Variants in PLCL2 observed in about 807,000 individuals in gnomAD.
PLCL2 encodes the protein inactive phospholipase C-like protein 2.
Under a neutral mutation model 79.6 loss-of-function variants are expected in PLCL2, and 4 were observed. That is an observed-to-expected ratio of 0.05 (90% CI 0.02 to 0.11). The LOEUF (loss-of-function observed/expected upper bound fraction) is 0.11, where lower values mean the gene tolerates loss of function less well. Ranked by LOEUF, PLCL2 falls within the 10% of genes least tolerant of loss-of-function variation. The pLI is 1.00. For missense variants in PLCL2, 895 were observed against 1,291.0 expected (o/e 0.69, Z 4.70); for synonymous variants, 484 against 457.7 (o/e 1.06, Z -0.73).
intron 3 of PLCL2, 78 bp from the exon 4 acceptor site, chr3:17,042,796 G>A: frequency 1.0e-6 from 1 of 987,398 alleles, no homozygotes. Flanking sequence ...CCTGTTTTAG[G>A]AGAAGAGCCT....
chr3:16,965,748 G>A (rs1366843919), intron 1 of PLCL2, among the ~76,000 whole-genome samples: 1 of 152,076 alleles, frequency 6.6e-6, no homozygotes, highest in Non-Finnish European at 1.5e-5. Flanking sequence ...TCCCTTGTAA[G>A]CTGGATTCCT....
At chr3:17,045,634 A>G (rs2064772288) in intron 4 of PLCL2, among the ~76,000 whole-genome samples, 1 of 152,102 alleles carries the variant, frequency 6.6e-6, no homozygotes, top group Non-Finnish European at 1.5e-5. Context: ...TAAGAAGAGA[A>G]TGCAGTGACA....
intron 4 of PLCL2, among the ~76,000 whole-genome samples, chr3:17,060,444 C>G (rs1457721053): frequency 1.3e-5 from 2 of 151,946 alleles, no homozygotes; most frequent in Non-Finnish European, 2.9e-5. Flanking sequence ...GGATGAAGGC[C>G]AAGAAAAGGA....
chr3:16,993,840 C>A (rs2064127213), intron 1 of PLCL2, among the ~76,000 whole-genome samples: 1 of 152,164 alleles, frequency 6.6e-6, no homozygotes, highest in Admixed American at 6.5e-5. Flanking sequence ...TGTAGGATTG[C>A]CTGAGCTTCT....
intron 1 of PLCL2, among the ~76,000 whole-genome samples, chr3:16,889,378 C>T (rs928544258): frequency 6.6e-6 from 1 of 152,140 alleles, no homozygotes; most frequent in Non-Finnish European, 1.5e-5. Context: ...TTTGATTGCC[C>T]TCTTTAAATG....
At chr3:16,906,440 G>A (rs1046177122) in intron 1 of PLCL2, among the ~76,000 whole-genome samples, 14 of 152,124 alleles carry the variant, frequency 9.2e-5, no homozygotes, top group African/African-American at 3.4e-4. Flanking sequence ...ATTCGTTAAT[G>A]TGGAACTTAT....
chr3:16,998,008 C>G (rs2064171275), intron 1 of PLCL2, among the ~76,000 whole-genome samples: 1 of 152,098 alleles, frequency 6.6e-6, no homozygotes, highest in African/African-American at 2.4e-5. Flanking sequence ...ATTAAAATTT[C>G]TGACTTGAAG....
intron 4 of PLCL2, among the ~76,000 whole-genome samples, chr3:17,050,940 A>G (rs188902737): frequency 8.9e-4 from 136 of 152,350 alleles, no homozygotes; most frequent in African/African-American, 3.0e-3. Flanking sequence ...TGATACTTAT[A>G]CACAATGGAG....
At chr3:17,072,142 T>TA (rs1280483706) in intron 5 of PLCL2, among the ~76,000 whole-genome samples, 3 of 152,180 alleles carry the variant, frequency 2.0e-5, no homozygotes, top group Non-Finnish European at 4.4e-5. Context: ...AATTCTAATA[T>TA]AATTGTTCTT....
At position 17,090,239 on chromosome 3, in the gene PLCL2, A is replaced by G; in HGVS notation, c.*327A>G. The G allele has an allele frequency of 9.9e-7, 1 of 1,007,888 alleles. No homozygotes were observed. The highest frequency in any genetic ancestry group is 9.0e-5 in the East Asian group (1 of 11,070). 62.4% of individuals were successfully genotyped at this position (1,007,888 alleles called of 1,614,324 possible). A position where few individuals can be genotyped will look rare whatever the true frequency, so the allele number is the denominator to read the frequency against. ...TTTCCTAAGTGAAAACAATTTCTTA[A>G]GATGGAAATGGATTGGATTGTCAAA... On this transcript the variant is annotated 3_prime_UTR_variant, in exon 6 of 6. Transcript: ENST00000615277.
intron 1 of PLCL2, among the ~76,000 whole-genome samples, chr3:16,945,471 G>A (rs1251453588): frequency 1.3e-5 from 2 of 152,066 alleles, no homozygotes; most frequent in Admixed American, 1.3e-4. Flanking sequence ...TACATGTTCA[G>A]CACTCTATAA....
intron 1 of PLCL2, among the ~76,000 whole-genome samples, chr3:17,002,110 G>A (rs2064217748): frequency 6.6e-6 from 1 of 151,948 alleles, no homozygotes; most frequent in South Asian, 2.1e-4. Context: ...TATCATAAAT[G>A]TGATTGCTTT....
At chr3:16,938,974 A>G (rs114252509) in intron 1 of PLCL2, among the ~76,000 whole-genome samples, 1 of 152,324 alleles carries the variant, frequency 6.6e-6, no homozygotes, top group African/African-American at 2.4e-5. Flanking sequence ...CTTAACAGCT[A>G]GCTGTGTAGT....
chr3:16,932,909 C>T (rs1389210163), intron 1 of PLCL2, among the ~76,000 whole-genome samples: 1 of 152,086 alleles, frequency 6.6e-6, no homozygotes, highest in African/African-American at 2.4e-5. Flanking sequence ...TTTTTTCCTT[C>T]TTCTTCTTTT....
chr3:17,040,142 T>A (rs868579581), intron 3 of PLCL2, among the ~76,000 whole-genome samples: 13 of 152,180 alleles, frequency 8.5e-5, no homozygotes, highest in South Asian at 8.3e-4. Flanking sequence ...ATATATACTT[T>A]AAGTTCTAGG....
intron 1 of PLCL2, among the ~76,000 whole-genome samples, chr3:16,900,137 C>T (rs1285570843): frequency 6.6e-6 from 1 of 152,140 alleles, no homozygotes; most frequent in Non-Finnish European, 1.5e-5. Flanking sequence ...AGATCTTAAT[C>T]TCAGAGTCTT....
At chr3:17,018,547 A>G (rs1048457961) in intron 3 of PLCL2, among the ~76,000 whole-genome samples, 4 of 152,096 alleles carry the variant, frequency 2.6e-5, no homozygotes, top group Admixed American at 2.6e-4. Context: ...TTTTTTCAAC[A>G]GATGGGGCCT....
intron 1 of PLCL2, among the ~76,000 whole-genome samples, chr3:16,902,619 G>A (rs1201465414): frequency 1.3e-5 from 2 of 152,058 alleles, no homozygotes; most frequent in African/African-American, 2.4e-5. Flanking sequence ...TGAAGGTCAG[G>A]GGTTTGAGAC....
intron 1 of PLCL2, among the ~76,000 whole-genome samples, chr3:16,896,596 A>T (rs1696485477): frequency 1.3e-5 from 2 of 152,356 alleles, no homozygotes; most frequent in South Asian, 2.1e-4. Context: ...TGCTCTTCAC[A>T]TAACAGTTTT....
Sources: gnomAD v4.1 joint callset for allele counts (sites outside exome capture counted in the v4.1 genomes callset) on GRCh38, gnomAD v4.1.1 for gene constraint, MANE v1.5 for transcripts, NCBI Gene and HGNC (gene_info 2026-07-23, HGNC 2026-07-21) for gene names.